KMT2C: variants seen among roughly 807,000 people sequenced by gnomAD.
KMT2C encodes lysine methyltransferase 2C, also known as histone-lysine N-methyltransferase 2C.
In KMT2C, 88 loss-of-function variants were observed where a neutral mutation model predicts 507.9. The ratio of observed to expected loss-of-function variants is 0.17; its 90% CI spans 0.15 to 0.21. KMT2C has a LOEUF of 0.21. Among genes scored for constraint, KMT2C ranks in the 10% least tolerant of loss-of-function variants. The pLI, the probability that KMT2C is intolerant of heterozygous loss-of-function variation, is 1.00. For missense variants in KMT2C, 4,954 were observed against 5,957.8 expected, an observed-to-expected ratio of 0.83 and a Z score of 5.55; for synonymous variants, 2,049 against 2,080.8, an observed-to-expected ratio of 0.98 and a Z score of 0.42.
At chr7:152,358,224 G>A (rs1284850289) in intron 2 of KMT2C, among the ~76,000 whole-genome samples, 3 of 152,084 alleles carry the variant, frequency 2.0e-5, no homozygotes, top group African/African-American at 7.2e-5. Context: ...ACTTTTTTCA[G>A]AACACATATT....
chr7:152,196,043 C>T (rs761806741), intron 27 of KMT2C, 32 bp from the exon 28 acceptor site: 1 of 1,360,622 alleles, frequency 7.3e-7, no homozygotes, highest in East Asian at 2.4e-5. Context: ...TTTAAAATTT[C>T]AGTATTTTCT....
intron 1 of KMT2C, among the ~76,000 whole-genome samples, chr7:152,423,004 G>A (rs1168100447): frequency 7.7e-5 from 11 of 143,046 alleles, no homozygotes; most frequent in African/African-American, 1.8e-4. Context: ...GCAACAGAGC[G>A]AGACTCTCAT....
chr7:152,329,584 A>G (rs56052543), intron 3 of KMT2C, among the ~76,000 whole-genome samples: 1,956 of 151,702 alleles, frequency 0.013, 41 homozygotes, highest in African/African-American at 0.045. Flanking sequence ...AATAAAAAAA[A>G]AAAGAAAGGA....
At position 152,162,419 on chromosome 7, in the gene KMT2C, G is replaced by T. The variant is rs748055632; in HGVS notation, c.11158C>A (p.Leu3720Met). ...CAGGACTCTGTCTCAGCCTTTTCCA[G>T]TTTTATCTCTTCTGTTTTGGCAGGG... Reference protein sequence around the residue: ...ETPAKTEEIKLEKAETESCPG... With the variant: ...ETPAKTEEIKMEKAETESCPG... The change falls in exon 43 of 59, where the codon CTG becomes ATG. Residue 3720 changes from leucine (L) to methionine (M), a missense_variant. Leu to Met is a conservative substitution (Grantham distance 15). Transcript: ENST00000262189. 6.2e-7 allele frequency: 1 copy of T among 1,614,212 alleles called. No homozygotes were observed. Among genetic ancestry groups the T allele is most frequent in the South Asian group, 1.1e-5 (1 of 91,088 alleles).
chr7:152,199,241 A>G (rs548006391), intron 27 of KMT2C, 38 bp downstream of exon 27: 3 of 1,491,476 alleles, frequency 2.0e-6, no homozygotes, highest in Admixed American at 2.3e-5. Context: ...TGTATGTTAT[A>G]TGATATAAAG....
chr7:152,259,286 A>G (rs1429799804), intron 9 of KMT2C, among the ~76,000 whole-genome samples: 1 of 152,118 alleles, frequency 6.6e-6, no homozygotes, highest in East Asian at 1.9e-4. Context: ...CATTGATGTA[A>G]GTTTAGGAAG....
chr7:152,429,268 AG>A (rs1564227437), intron 1 of KMT2C, among the ~76,000 whole-genome samples: 3 of 152,332 alleles, frequency 2.0e-5, no homozygotes, highest in South Asian at 4.1e-4. Flanking sequence ...AAAGTTACAT[AG>A]AAGTATAGAA....
intron 1 of KMT2C, among the ~76,000 whole-genome samples, chr7:152,419,889 T>C (rs931578297): frequency 6.6e-6 from 1 of 152,248 alleles, no homozygotes; most frequent in African/African-American, 2.4e-5. Flanking sequence ...AGCCAGGTAC[T>C]AGTTTCTCAC....
At chr7:152,200,542 A>T (rs1266874086) in intron 26 of KMT2C, among the ~76,000 whole-genome samples, 1 of 152,154 alleles carries the variant, frequency 6.6e-6, no homozygotes, top group Non-Finnish European at 1.5e-5. Context: ...CAGCCTGGGC[A>T]ACATGGCAAA....
intron 16 of KMT2C, among the ~76,000 whole-genome samples, chr7:152,230,611 A>G (rs1403243580): frequency 1.3e-5 from 2 of 152,228 alleles, no homozygotes; most frequent in African/African-American, 4.8e-5. Flanking sequence ...TCAGGAAACT[A>G]TAAATGATAA....
chr7:152,309,053 T>G (rs982533342), intron 6 of KMT2C, among the ~76,000 whole-genome samples: 8 of 152,290 alleles, frequency 5.3e-5, no homozygotes, highest in African/African-American at 1.9e-4. Context: ...TAAAAAAATT[T>G]TTTTAATCAC....
chr7:152,145,810 G>A (rs2091048404), intron 53 of KMT2C, among the ~76,000 whole-genome samples: 1 of 152,158 alleles, frequency 6.6e-6, no homozygotes, highest in African/African-American at 2.4e-5. Flanking sequence ...CATGTCCTGG[G>A]AGCATAAAGC....
At chr7:152,197,895 T>TTC (rs2094011490) in intron 27 of KMT2C, among the ~76,000 whole-genome samples, 1 of 152,090 alleles carries the variant, frequency 6.6e-6, no homozygotes, top group Non-Finnish European at 1.5e-5. Context: ...TGTAAAACTG[T>TTC]TCTCTCTTCA....
rs1181779030 is a variant in KMT2C at position 152,250,894 on chromosome 7, T to C, written c.1694A>G (p.Asp565Gly). Residue 565 changes from aspartate (D) to glycine (G), a missense_variant, in exon 12 of 59, where the codon GAT (aspartate) becomes GGT (glycine). Asp to Gly is a moderately conservative substitution (Grantham distance 94). Coordinates refer to ENST00000262189, the MANE Select transcript of KMT2C (RefSeq NM_170606.3). ...AGGAGTGGACTCCTGACCGTTGACA[T>C]CTTTATTAGCTGCCTGCTCTGAGAA... is the stretch of plus-strand genomic sequence containing the variant. ...MVFSEQAANK[D>G]VNGQESTPGI... is the part of the protein sequence containing the mutation. 2 of 1,610,254 alleles carry C rather than the reference T, an allele frequency of 1.2e-6. No homozygotes were observed. The highest frequency in any genetic ancestry group is 2.7e-5 in the African/African-American group (2 of 74,848).
At position 152,142,090 on chromosome 7, in the gene KMT2C, A is replaced by G. The variant is rs78790625; in HGVS notation, c.14344-2299T>C. ...CTAAATGGCCCTTCAACAACTGGTTATCCAATGGAAGAAAGCGAAATTGTA... is the reference window on the plus strand; with the variant it reads ...CTAAATGGCCCTTCAACAACTGGTTGTCCAATGGAAGAAAGCGAAATTGTA... On this transcript the variant is annotated intron_variant, in intron 55 of 58. Coordinates refer to ENST00000262189, the MANE Select transcript of KMT2C (RefSeq NM_170606.3). Among the ~76,000 whole-genome samples the G allele has an allele frequency of 7.8e-3, 1,191 of 152,376 alleles. 9 individuals carry two copies. The highest frequency in any genetic ancestry group is 0.027 in the African/African-American group (1,123 of 41,590).
chr7:152,301,007 G>A (rs1450421028), intron 6 of KMT2C, among the ~76,000 whole-genome samples: 3 of 151,928 alleles, frequency 2.0e-5, no homozygotes, highest in Non-Finnish European at 4.4e-5. Flanking sequence ...GCAGTAAGCC[G>A]AGATCGCGCC....
rs2092509132 is a variant in KMT2C, at chr7:152,162,518, T to G, written c.11059A>C (p.Ser3687Arg). 6.2e-7 allele frequency: 1 copy of G among 1,614,128 alleles called. No homozygotes were observed. Among genetic ancestry groups the G allele is most frequent in the South Asian group, 1.1e-5 (1 of 91,096 alleles). Reference protein sequence around the residue: ...CTELENKLPNSDFSQATPNQQ... With the variant: ...CTELENKLPNRDFSQATPNQQ... Reference sequence around the variant, plus strand: ...TTTGGAGTTGCTTGTGAGAAATCACTATTGGGCAGTTTGTTCTCTAATTCT... The same window carrying G: ...TTTGGAGTTGCTTGTGAGAAATCACGATTGGGCAGTTTGTTCTCTAATTCT... The change falls in exon 43 of 59, where the codon AGT (serine) becomes CGT (arginine). Residue 3687 changes from serine (S) to arginine (R), a missense_variant. Transcript: ENST00000262189.
chr7:152,362,840 T>C (rs1351603691), intron 1 of KMT2C, among the ~76,000 whole-genome samples: 1 of 152,230 alleles, frequency 6.6e-6, no homozygotes, highest in Admixed American at 6.5e-5. Context: ...TAATTTTTGC[T>C]TTTCAAATTT....
At chr7:152,171,107 C>T (rs2092941598) in intron 40 of KMT2C, among the ~76,000 whole-genome samples, 157 bp downstream of exon 40, 1 of 152,170 alleles carries the variant, frequency 6.6e-6, no homozygotes, top group African/African-American at 2.4e-5. Flanking sequence ...AAAGTAATTG[C>T]GGTTTTTGCC....
Sources: allele counts gnomAD v4.1 joint callset (sites outside exome capture counted in the v4.1 genomes callset), GRCh38; gene constraint gnomAD v4.1.1; transcripts MANE v1.5; gene names NCBI Gene and HGNC (gene_info 2026-07-23, HGNC 2026-07-21).